Variants in CD22 observed in about 807,000 individuals in gnomAD.
CD22 encodes the protein B-cell receptor CD22.
A neutral mutation model predicts 94.7 loss-of-function variants in CD22; 51 were observed. The ratio of observed to expected loss-of-function variants is 0.54; its 90% CI spans 0.43 to 0.68. The LOEUF (loss-of-function observed/expected upper bound fraction) is 0.68. Ranked by LOEUF, CD22 falls within the 30% of genes least tolerant of loss-of-function variation. The pLI is 0.00. For missense variants in CD22, 931 were observed against 1,060.4 expected, an observed-to-expected ratio of 0.88 and a Z score of 1.69; for synonymous variants, 424 against 422.5, an observed-to-expected ratio of 1.00 and a Z score of -0.04.
chr19:35,341,891 C>T lies in CD22; in HGVS notation c.1961C>T (p.Ser654Leu), dbSNP rs771134417. The part of the protein sequence containing the change: ...LRLEPVKVQH[S>L]GAYWCQGTNS... ...TTGGAGCCGGTGAAGGTCCAGCACT[C>T]GGGTGCCTACTGGTGCCAGGGGACC... Residue 654 changes from serine (S) to leucine (L), a missense_variant, in exon 9 of 14, where the codon TCG becomes TTG. Physicochemically the swap from Ser to Leu is moderately radical, Grantham distance 145. Coordinates refer to ENST00000085219, the MANE Select transcript of CD22 (RefSeq NM_001771.4). This position sits in a 1 kb window ranked among gnomAD's most constrained non-coding sequence, Gnocchi z 4.0. 36 of 1,613,952 alleles carry T rather than the reference C, an allele frequency of 2.2e-5. No individual in the cohort carries two copies. The highest frequency in any genetic ancestry group is 1.7e-4 in the Admixed American group (10 of 59,988).
In CD22 at chr19:35,340,924, G is replaced by A. The variant is rs267605427; in HGVS notation, c.1293G>A (p.Pro431=). The change falls in exon 7 of 14, where the codon CCG becomes CCA. Residue 431 remains proline, a synonymous_variant. Transcript: ENST00000085219. Reference sequence around the variant, plus strand: ...CCACAGTGATTCAAAACCCCATGCCGATTCGAGAAGGAGACACAGTGACCC... The same window carrying A: ...CCACAGTGATTCAAAACCCCATGCCAATTCGAGAAGGAGACACAGTGACCC... The part of the protein sequence containing the change: ...KVTTVIQNPM[P]IREGDTVTLS... 6.2e-6 allele frequency: 10 copies of A among 1,613,982 alleles called. No individual in the cohort carries two copies. Among genetic ancestry groups the A allele is most frequent in the African/African-American group, 1.3e-5 (1 of 74,878 alleles).
rs1171519210 is a variant in CD22, at chr19:35,341,278, G to T, written c.1508-65G>T. The T allele has an allele frequency of 6.3e-7, 1 of 1,595,722 alleles. No homozygotes were observed. Among genetic ancestry groups the T allele is most frequent in the Non-Finnish European group, 8.6e-7 (1 of 1,169,128 alleles). On this transcript the variant is annotated intron_variant, in intron 7 of 13. Transcript: ENST00000085219. The surrounding 1 kb of genome is among the most constrained non-coding windows in gnomAD (Gnocchi z 4.0). ...GCCTGGCGTCAGGGCCAAGGGGAGGGGAGGCCTGGGGACAGCAAAAGGGAC... is the reference window on the plus strand; with the variant it reads ...GCCTGGCGTCAGGGCCAAGGGGAGGTGAGGCCTGGGGACAGCAAAAGGGAC...
chr19:35,342,105 T>C (rs1313760717), intron 9 of CD22, 140 bp downstream of exon 9: 8 of 675,022 alleles, frequency 1.2e-5, no homozygotes, highest in African/African-American at 1.1e-4. Context: ...CCTCCTCCTC[T>C]TCCTCCTTCT....
chr19:35,338,779 G>A (rs1052354038), intron 6 of CD22, among the ~76,000 whole-genome samples: 2 of 151,972 alleles, frequency 1.3e-5, no homozygotes, highest in African/African-American at 2.4e-5. Flanking sequence ...ACAGGCGCCC[G>A]CCACCACGCC....
chr19:35,345,498 G>A (rs764138541), intron 11 of CD22, 104 bp from the exon 12 acceptor site: 4 of 694,620 alleles, frequency 5.8e-6, no homozygotes, highest in Non-Finnish European at 7.7e-6. Context: ...GGTGAAGGAA[G>A]GGGATAAAAT....
chr19:35,335,647 G>A (rs142303691), intron 3 of CD22, among the ~76,000 whole-genome samples: 2,769 of 152,232 alleles, frequency 0.018, 81 homozygotes, highest in African/African-American at 0.062. Context: ...GAGGTCAGGA[G>A]TTCAAGACCA....
intron 13 of CD22, 22 bp from the exon 14 acceptor site, chr19:35,346,544 A>G (rs1231565069): frequency 8.8e-6 from 14 of 1,589,122 alleles, no homozygotes; most frequent in Non-Finnish European, 1.2e-5. Flanking sequence ...GGGCCAGGCT[A>G]ACCACCATGC....
rs1158929559 is a variant in CD22, at chr19:35,341,594, C to A, written c.1759C>A (p.Leu587Ile). ...IGQTASKAWTLEVLYAPRRLR... is the reference protein window; with the variant it reads ...IGQTASKAWTIEVLYAPRRLR... Reference sequence around the variant, plus strand: ...ACAGACAGCGTCCAAGGCCTGGACACTTGAAGTGCTGTGTGAGTGAGGGCC... The same window carrying A: ...ACAGACAGCGTCCAAGGCCTGGACAATTGAAGTGCTGTGTGAGTGAGGGCC... Residue 587 changes from leucine (L) to isoleucine (I), a missense_variant, in exon 8 of 14, where the codon CTT (leucine) becomes ATT (isoleucine). Leu to Ile is a conservative substitution (Grantham distance 5, BLOSUM62 2). Transcript: ENST00000085219. This position sits in a 1 kb window ranked among gnomAD's most constrained non-coding sequence, Gnocchi z 4.0. 6 of 1,610,856 alleles carry A rather than the reference C, an allele frequency of 3.7e-6. No individual in the cohort carries two copies. The African/African-American group carries it at 8.0e-5, about 22-fold the overall frequency.
At position 35,344,814 on chromosome 19, in the gene CD22, C is replaced by T; in HGVS notation, c.2036-15C>T. On this transcript the variant is annotated splice_polypyrimidine_tract_variant and intron_variant, in intron 9 of 13. Transcript: ENST00000085219. ...GGCCCCTCAGTTGATTAAGGTCTCT[C>T]CTTTCTCCACCCAGATAGCCCGGAG... 6.3e-7 allele frequency: 1 copy of T among 1,589,960 alleles called. No homozygotes were observed. Among genetic ancestry groups the T allele is most frequent in the Non-Finnish European group, 8.6e-7 (1 of 1,163,404 alleles).
chr19:35,346,059 T>C (rs2066901855), intron 12 of CD22, 92 bp from the exon 13 acceptor site: 2 of 940,776 alleles, frequency 2.1e-6, no homozygotes, highest in African/African-American at 3.2e-5. Context: ...GGGGCTGAGG[T>C]TGGGGTGCTG....
chr19:35,333,732 T>G lies in CD22; in HGVS notation c.412+808T>G, dbSNP rs530057185. On this transcript the variant is annotated intron_variant, in intron 3 of 13. Coordinates refer to ENST00000085219, the MANE Select transcript of CD22 (RefSeq NM_001771.4). ...ATGCCCAGCTAACTTTTTAATTTGT[T>G]GTAGAAATGGGTCTTGCTATGTTGC... 2.6e-5 allele frequency among the ~76,000 whole-genome samples: 4 copies of G among 152,246 alleles called. No individual in the cohort carries two copies. The South Asian group carries it at 8.3e-4, about 32-fold the overall frequency.
At position 35,332,537 on chromosome 19, in the gene CD22, C is replaced by T; in HGVS notation, c.35-10C>T. 6.3e-7 allele frequency: 1 copy of T among 1,599,922 alleles called. No individual in the cohort carries two copies. Among genetic ancestry groups the T allele is most frequent in the South Asian group, 1.1e-5 (1 of 88,988 alleles). ...CCCCCTTAGTAATGCTTTCTGATCA[C>T]TGTGGTGAGTTCTAGAATACTTGGC... is the stretch of plus-strand genomic sequence containing the variant. On this transcript the variant is annotated splice_polypyrimidine_tract_variant and intron_variant, in intron 2 of 13. Coordinates refer to ENST00000085219, the MANE Select transcript of CD22 (RefSeq NM_001771.4).
intron 9 of CD22, among the ~76,000 whole-genome samples, chr19:35,342,540 G>A (rs1051784849): frequency 3.0e-4 from 45 of 152,096 alleles, no homozygotes; most frequent in African/African-American, 1.1e-3. Flanking sequence ...CAGACCAGCT[G>A]GCCCCTTCTT....
Position 35,346,762 on chromosome 19 carries a change from C to T in CD22, c.*65C>T, listed in dbSNP as rs11554644. 6.8e-7 allele frequency: 1 copy of T among 1,476,462 alleles called. No individual in the cohort carries two copies. The highest frequency in any genetic ancestry group is 9.1e-7 in the Non-Finnish European group (1 of 1,095,040). 91.5% of individuals were successfully genotyped at this position (1,476,462 alleles called of 1,614,324 possible). A position where few individuals can be genotyped will look rare whatever the true frequency, so the allele number is the denominator to read the frequency against. On this transcript the variant is annotated 3_prime_UTR_variant, in exon 14 of 14. Coordinates refer to ENST00000085219, the MANE Select transcript of CD22 (RefSeq NM_001771.4). ...GGCCAGGGAAGTCCCCGAGTTTCCC[C>T]AGACACCGCCACATGGCTTCCTCCT...
intron 1 of CD22, 45 bp from the exon 2 acceptor site, chr19:35,331,974 A>T (rs2066651672): frequency 6.2e-7 from 1 of 1,613,226 alleles, no homozygotes; most frequent in Non-Finnish European, 8.5e-7. Context: ...CACGTGGAAG[A>T]AGTAAGCGGC....
rs770986830 is a variant in CD22, at chr19:35,345,686, C to T, written c.2293C>T (p.Leu765=). 6.2e-7 allele frequency: 1 copy of T among 1,613,656 alleles called. No individual in the cohort carries two copies. The highest frequency in any genetic ancestry group is 1.1e-5 in the South Asian group (1 of 91,076). Residue 765 remains leucine, a synonymous_variant, in exon 12 of 14, where the codon CTG becomes TTG. Transcript: ENST00000085219. ...MMEDGISYTT[L]RFPEMNIPRT... ...GGAAGATGGCATTAGCTACACCACC[C>T]TGCGCTTTCCCGAGATGAACATACC...
At chr19:35,342,780 C>G (rs1047216506) in intron 9 of CD22, among the ~76,000 whole-genome samples, 2 of 152,118 alleles carry the variant, frequency 1.3e-5, no homozygotes, top group Non-Finnish European at 2.9e-5. Flanking sequence ...TCTCTCAGCC[C>G]TGACAGGCTC....
intron 3 of CD22, among the ~76,000 whole-genome samples, chr19:35,334,302 A>T (rs2267575): frequency 0.15 from 23,457 of 152,202 alleles, 2,080 homozygotes; most frequent in East Asian, 0.23. Flanking sequence ...GGGAGTCAGG[A>T]TGTAAGTTAA....
In CD22 at chr19:35,336,193, G is replaced by A. The variant is rs761690391; in HGVS notation, c.570G>A (p.Ser190=). 24 of 1,614,046 alleles carry A rather than the reference G, an allele frequency of 1.5e-5. No individual in the cohort carries two copies. Among genetic ancestry groups the A allele is most frequent in the Non-Finnish European group, 1.9e-5 (22 of 1,180,048 alleles). ...GVPMRQAAVT[S]TSLTIKSVFT... ...CAATGAGGCAGGCTGCTGTCACCTC[G>A]ACCTCCTTGACCATCAAGTCTGTCT... is the stretch of plus-strand genomic sequence containing the variant. Residue 190 remains serine, a synonymous_variant, in exon 4 of 14, where the codon TCG becomes TCA. Coordinates refer to ENST00000085219, the MANE Select transcript of CD22 (RefSeq NM_001771.4).
Sources: gnomAD v4.1 joint callset for allele counts (sites outside exome capture counted in the v4.1 genomes callset) on GRCh38, gnomAD v4.1.1 for gene constraint, Gnocchi (gnomAD v3.1) non-coding constraint, MANE v1.5 for transcripts, NCBI Gene and HGNC (gene_info 2026-07-23, HGNC 2026-07-21) for gene names.